Variants in ANKS1B observed in about 807,000 individuals in gnomAD.
ANKS1B encodes ankyrin repeat and sterile alpha motif domain containing 1B.
ANKS1B carries 36 observed loss-of-function variants against 148.3 expected under a neutral mutation model. The observed-to-expected ratio is 0.24, with a 90% confidence interval of 0.19 to 0.32. The LOEUF is 0.32. ANKS1B is among the 10% of genes least tolerant of loss of function. The probability of loss-of-function intolerance (pLI) is 1.00; values close to 1 mark genes in which losing one functional copy is unlikely to be tolerated. For missense variants in ANKS1B, 1,157 were observed against 1,542.6 expected (o/e 0.75, Z 4.19); for synonymous variants, 542 against 560.8 (o/e 0.97, Z 0.47).
intron 17 of ANKS1B, among the ~76,000 whole-genome samples, chr12:98,848,561 T>TC (rs1457968184): frequency 2.1e-5 from 3 of 141,900 alleles, no homozygotes; most frequent in Non-Finnish European, 3.1e-5. Flanking sequence ...AATTTGTGAT[T>TC]TTTTTTTTTT....
At chr12:99,899,292 A>G (rs10860535) in intron 1 of ANKS1B, among the ~76,000 whole-genome samples, 62,151 of 152,058 alleles carry the variant, frequency 0.41, 13,405 homozygotes, top group African/African-American at 0.52. Context: ...AAAATCTGTC[A>G]AGTTAAAACA....
chr12:99,970,510 A>T (rs2095545090), intron 1 of ANKS1B, among the ~76,000 whole-genome samples: 2 of 135,614 alleles, frequency 1.5e-5, no homozygotes, highest in Non-Finnish European at 3.1e-5. Flanking sequence ...ATTATAAATG[A>T]ATCACTAACA....
intron 16 of ANKS1B, among the ~76,000 whole-genome samples, chr12:99,053,895 C>T (rs1316930374): frequency 2.0e-5 from 3 of 152,146 alleles, no homozygotes; most frequent in South Asian, 4.1e-4. Context: ...GTATGTTAGA[C>T]ATGAATAGAG....
At chr12:98,808,023 T>G in intron 19 of ANKS1B, 105 bp from the exon 20 acceptor site, 1 of 881,216 alleles carries the variant, frequency 1.1e-6, no homozygotes, top group South Asian at 1.8e-5. Flanking sequence ...ATGCAAAGAA[T>G]CACATTTAAA....
chr12:99,422,211 G>A (rs2095109789), intron 11 of ANKS1B, among the ~76,000 whole-genome samples: 1 of 152,186 alleles, frequency 6.6e-6, no homozygotes, highest in South Asian at 2.1e-4. Flanking sequence ...ACCAAACACA[G>A]ATAAGACAGC....
At chr12:99,197,355 C>T (rs1179178777) in intron 14 of ANKS1B, among the ~76,000 whole-genome samples, 2 of 152,130 alleles carry the variant, frequency 1.3e-5, no homozygotes, top group Non-Finnish European at 2.9e-5. Flanking sequence ...CCTCATCTTT[C>T]GCCATTCCCT....
At chr12:98,811,376 TCA>T (rs1160052153) in intron 19 of ANKS1B, among the ~76,000 whole-genome samples, 1 of 152,132 alleles carries the variant, frequency 6.6e-6, no homozygotes, top group Non-Finnish European at 1.5e-5. Flanking sequence ...CACATCCTTG[TCA>T]CACAGAACAG....
At chr12:99,134,291 T>C (rs943386551) in intron 15 of ANKS1B, among the ~76,000 whole-genome samples, 4 of 152,098 alleles carry the variant, frequency 2.6e-5, no homozygotes, top group Non-Finnish European at 5.9e-5. Flanking sequence ...ATGAGGATAA[T>C]TGGAGAAAAG....
At chr12:98,910,701 A>G in intron 17 of ANKS1B, among the ~76,000 whole-genome samples, 1 of 152,224 alleles carries the variant, frequency 6.6e-6, no homozygotes, top group Non-Finnish European at 1.5e-5. Context: ...TGCATTTAAA[A>G]TTAGTTTTAA....
chr12:98,872,375 C>T (rs531923734), intron 17 of ANKS1B, among the ~76,000 whole-genome samples: 1 of 152,066 alleles, frequency 6.6e-6, no homozygotes, highest in Non-Finnish European at 1.5e-5. Flanking sequence ...CCTGTCTCTA[C>T]TAAAAATACA....
At chr12:99,403,001 TA>T (rs1461038521) in intron 11 of ANKS1B, among the ~76,000 whole-genome samples, 1 of 145,342 alleles carries the variant, frequency 6.9e-6, no homozygotes, top group African/African-American at 2.6e-5. Flanking sequence ...GACTTTTTAA[TA>T]ATAGCCATTC....
At chr12:99,215,455 C>CTGGCT (rs2084012300) in intron 14 of ANKS1B, among the ~76,000 whole-genome samples, 1 of 152,108 alleles carries the variant, frequency 6.6e-6, no homozygotes, top group East Asian at 1.9e-4. Context: ...CAGCTTGTAC[C>CTGGCT]GTGTGTCTGG....
At chr12:99,369,789 G>GATA (rs1257526316) in intron 12 of ANKS1B, among the ~76,000 whole-genome samples, 3 of 137,378 alleles carry the variant, frequency 2.2e-5, no homozygotes, top group Non-Finnish European at 4.7e-5. Context: ...TAGATAGATA[G>GATA]ATGGACGGAC....
At chr12:99,748,685 T>C (rs7304032) in intron 8 of ANKS1B, among the ~76,000 whole-genome samples, 66,319 of 151,768 alleles carry the variant, frequency 0.44, 14,904 homozygotes, top group South Asian at 0.61. Flanking sequence ...TATAATACGT[T>C]GAATCGTGGT....
intron 14 of ANKS1B, among the ~76,000 whole-genome samples, chr12:99,185,528 T>C (rs144555296): frequency 1.0e-3 from 152 of 152,312 alleles, no homozygotes; most frequent in African/African-American, 3.3e-3. Context: ...GATTTCTGCA[T>C]TTCTAACTGA....
In ANKS1B at chr12:98,851,811, G is replaced by A. The variant is rs1331354329; in HGVS notation, c.2779-19675C>T. 2.6e-5 allele frequency among the ~76,000 whole-genome samples: 4 copies of A among 152,028 alleles called. No homozygotes were observed. The East Asian group carries it at 7.7e-4, about 29-fold the overall frequency. Reference sequence around the variant, plus strand: ...GAGGCTGAGGTGGGTGGATCACGAGGTCAAGAGATCGAGAGCATCCTGGCC... The same window carrying A: ...GAGGCTGAGGTGGGTGGATCACGAGATCAAGAGATCGAGAGCATCCTGGCC... On this transcript the variant is annotated intron_variant, in intron 17 of 26. Transcript: ENST00000683438.
At chr12:99,191,120 G>C (rs2080632733) in intron 14 of ANKS1B, among the ~76,000 whole-genome samples, 1 of 152,144 alleles carries the variant, frequency 6.6e-6, no homozygotes, top group African/African-American at 2.4e-5. Context: ...GGTCACTAGA[G>C]AAATGCAAAT....
chr12:98,820,834 T>C (rs2099182539), intron 19 of ANKS1B, among the ~76,000 whole-genome samples: 1 of 152,200 alleles, frequency 6.6e-6, no homozygotes, highest in African/African-American at 2.4e-5. Context: ...AGTGAAGAGG[T>C]ATTAGTTTGG....
chr12:98,994,029 T>C (rs894286616), intron 17 of ANKS1B, among the ~76,000 whole-genome samples: 2 of 152,202 alleles, frequency 1.3e-5, no homozygotes, highest in Non-Finnish European at 1.5e-5. Context: ...ATTAAAACAC[T>C]CTTACTTTTA....
Sources: gnomAD v4.1 joint callset for allele counts (sites outside exome capture counted in the v4.1 genomes callset) on GRCh38, gnomAD v4.1.1 for gene constraint, MANE v1.5 for transcripts, NCBI Gene and HGNC (gene_info 2026-07-23, HGNC 2026-07-21) for gene names.